Variants in CACNA2D1 observed in about 807,000 individuals in gnomAD.
CACNA2D1 encodes the protein calcium voltage-gated channel auxiliary subunit alpha2delta 1, also known as voltage-dependent calcium channel subunit alpha-2/delta-1.
CACNA2D1 carries 53 observed loss-of-function variants against 171.5 expected under a neutral mutation model. The observed-to-expected ratio is 0.31, with a 90% confidence interval of 0.25 to 0.39. CACNA2D1 has a LOEUF of 0.39. CACNA2D1 is among the 10% of genes least tolerant of loss of function. The probability of loss-of-function intolerance (pLI) is 1.00; values close to 1 mark genes in which losing one functional copy is unlikely to be tolerated. For synonymous variants in CACNA2D1, 442 were observed against 443.1 expected (o/e 1.00, Z 0.03); for missense variants, 903 against 1,299.8 (o/e 0.69, Z 4.69).
At chr7:82,069,034 C>T (rs1198612329) in intron 7 of CACNA2D1, among the ~76,000 whole-genome samples, 1 of 152,004 alleles carries the variant, frequency 6.6e-6, no homozygotes, top group African/African-American at 2.4e-5. Flanking sequence ...GAGATATTTA[C>T]TCTTAGGTAG....
chr7:82,376,945 T>C (rs1437320360), intron 1 of CACNA2D1, among the ~76,000 whole-genome samples: 2 of 152,256 alleles, frequency 1.3e-5, no homozygotes, highest in Admixed American at 6.5e-5. Context: ...CCCTTCAGCA[T>C]GCTGAGATAA....
At chr7:82,287,006 G>C (rs928020174) in intron 3 of CACNA2D1, among the ~76,000 whole-genome samples, 1 of 152,168 alleles carries the variant, frequency 6.6e-6, no homozygotes, top group African/African-American at 2.4e-5. Flanking sequence ...CAGATTTAAA[G>C]AGTAATTTCT....
chr7:82,030,525 A>G (rs1294675764), intron 12 of CACNA2D1, among the ~76,000 whole-genome samples: 2 of 151,782 alleles, frequency 1.3e-5, no homozygotes, highest in Non-Finnish European at 2.9e-5. Context: ...AAAATCGGAT[A>G]TATCTCATGC....
chr7:82,013,399 T>C, intron 14 of CACNA2D1, 62 bp downstream of exon 14: 1 of 750,082 alleles, frequency 1.3e-6, no homozygotes, highest in South Asian at 2.3e-5. Context: ...TGAGCATATT[T>C]AAACCAGAAA....
intron 10 of CACNA2D1, among the ~76,000 whole-genome samples, chr7:82,060,166 A>ATATATATATAATATATATAT (rs1806499223): frequency 1.0e-4 from 1 of 9,988 alleles, no homozygotes; most frequent in African/African-American, 1.8e-4. Context: ...TATATATATA[A>ATATATATATAATATATATAT]TATATATATA....
chr7:82,212,953 T>G (rs565439144), intron 3 of CACNA2D1, among the ~76,000 whole-genome samples: 1 of 151,572 alleles, frequency 6.6e-6, no homozygotes, highest in Non-Finnish European at 1.5e-5. Flanking sequence ...CAGGCTGGAG[T>G]GCAATGGTGC....
chr7:82,066,015 G>A (rs1203383346), intron 8 of CACNA2D1, among the ~76,000 whole-genome samples: 1 of 151,966 alleles, frequency 6.6e-6, no homozygotes, highest in Non-Finnish European at 1.5e-5. Flanking sequence ...TCTTCATTTT[G>A]GAAAAAAAAT....
intron 12 of CACNA2D1, among the ~76,000 whole-genome samples, chr7:82,031,090 C>T (rs1802636208): frequency 6.6e-6 from 1 of 151,726 alleles, no homozygotes; most frequent in Non-Finnish European, 1.5e-5. Context: ...CTAAAGTTCA[C>T]AGTTAAACAG....
intron 3 of CACNA2D1, among the ~76,000 whole-genome samples, chr7:82,214,565 A>C (rs1314410951): frequency 3.3e-5 from 5 of 152,052 alleles, no homozygotes; most frequent in South Asian, 2.1e-4. Context: ...ACAATATCCA[A>C]CTTGGAAGTT....
rs1804423894 is a variant in CACNA2D1 at position 82,242,511 on chromosome 7, T to C, written c.295-71902A>G. 2.0e-5 allele frequency among the ~76,000 whole-genome samples: 3 copies of C among 152,274 alleles called. 1 individual carries two copies. In the South Asian group the frequency reaches 6.2e-4, roughly 32 times the overall value. ...TCATTTGAGAATCTTAAGTAATCTA[T>C]ACTCATTTCTACCAGTAAGATTTTC... On this transcript the variant is annotated intron_variant, in intron 3 of 38. Coordinates refer to ENST00000356860, the MANE Select transcript of CACNA2D1 (RefSeq NM_000722.4).
chr7:81,970,704 A>G lies in CACNA2D1; in HGVS notation c.2175T>C (p.Asp725=), dbSNP rs757077213. 1.3e-6 allele frequency: 2 copies of G among 1,593,576 alleles called. No homozygotes were observed. The highest frequency in any genetic ancestry group is 1.7e-6 in the Non-Finnish European group (2 of 1,161,888). Residue 725 remains aspartate, a synonymous_variant, in exon 27 of 39, where the codon GAT becomes GAC. Coordinates refer to ENST00000356860, the MANE Select transcript of CACNA2D1 (RefSeq NM_000722.4). ...TGGGATAAACTCTGGTAATCCCACCATCAGTCACAACAAATCGTGCTTTCA... is the reference window on the plus strand; with the variant it reads ...TGGGATAAACTCTGGTAATCCCACCGTCAGTCACAACAAATCGTGCTTTCA... The part of the protein sequence containing the change: ...KGVKARFVVT[D]GGITRVYPKE...
intron 38 of CACNA2D1, among the ~76,000 whole-genome samples, chr7:81,958,444 T>C (rs1400127889): frequency 6.6e-6 from 1 of 152,026 alleles, no homozygotes; most frequent in Non-Finnish European, 1.5e-5. Context: ...TATTTAAAAT[T>C]AGTTAAAAAG....
At chr7:81,991,530 G>C (rs1797541149) in intron 20 of CACNA2D1, among the ~76,000 whole-genome samples, 1 of 152,100 alleles carries the variant, frequency 6.6e-6, no homozygotes, top group Admixed American at 6.5e-5. Context: ...TAATGAAACA[G>C]GACTATGAAG....
At chr7:82,123,053 C>T (rs1045612183) in intron 5 of CACNA2D1, among the ~76,000 whole-genome samples, 19 of 152,122 alleles carry the variant, frequency 1.2e-4, no homozygotes, top group African/African-American at 2.4e-4. Context: ...TAATCCAGGA[C>T]GACTGGGAAC....
chr7:82,111,428 G>GTATATATA (rs1201539599), intron 6 of CACNA2D1, among the ~76,000 whole-genome samples: 2 of 50,416 alleles, frequency 4.0e-5, no homozygotes, highest in Non-Finnish European at 7.1e-5. Flanking sequence ...ATATATGTGT[G>GTATATATA]TATATATATA....
At chr7:82,209,109 C>T (rs918781420) in intron 3 of CACNA2D1, among the ~76,000 whole-genome samples, 3 of 152,182 alleles carry the variant, frequency 2.0e-5, no homozygotes, top group African/African-American at 7.2e-5. Flanking sequence ...CACATCTACA[C>T]TCACAGCGTC....
chr7:82,443,812 G>A, upstream of CACNA2D1: 6 of 799,394 alleles, frequency 7.5e-6, no homozygotes, highest in Non-Finnish European at 1.0e-5. Context: ...TTATTCCCCC[G>A]ATTGCCGAGG....
rs191416368 is a variant in CACNA2D1, at chr7:82,039,410, C to T, written c.880-1175G>A. Among the ~76,000 whole-genome samples, 6 of 152,216 alleles carry T rather than the reference C, an allele frequency of 3.9e-5. No individual in the cohort carries two copies. The East Asian group carries it at 1.2e-3, about 29-fold the overall frequency. ...TTTCAGACATAATTATCTGCACACA[C>T]AAAAATACCATAAATATATAAACAG... On this transcript the variant is annotated intron_variant, in intron 10 of 38. Transcript: ENST00000356860.
intron 11 of CACNA2D1, among the ~76,000 whole-genome samples, chr7:82,036,820 A>G (rs1407043089): frequency 1.3e-5 from 2 of 152,234 alleles, no homozygotes; most frequent in Non-Finnish European, 2.9e-5. Flanking sequence ...ATAAGAGTTC[A>G]TTCAGTGATT....
Sources: allele counts gnomAD v4.1 joint callset (sites outside exome capture counted in the v4.1 genomes callset), GRCh38; gene constraint gnomAD v4.1.1; transcripts MANE v1.5; gene names NCBI Gene and HGNC (gene_info 2026-07-23, HGNC 2026-07-21).